The following ECM2 variants were observed in gnomAD, a reference collection of about 807,000 sequenced individuals.
ECM2 encodes extracellular matrix protein 2, female organ and adipocyte specific.
Under a neutral mutation model 67.5 loss-of-function variants are expected in ECM2, and 57 were observed. The ratio of observed to expected loss-of-function variants is 0.84; its 90% CI spans 0.68 to 1.05. The LOEUF is 1.05. Ranked by LOEUF, ECM2 falls within the 50% of genes least tolerant of loss-of-function variation. The pLI, the probability that ECM2 is intolerant of heterozygous loss-of-function variation, is 0.00. For missense variants in ECM2, 741 were observed against 822.8 expected, an observed-to-expected ratio of 0.90 and a Z score of 1.22; for synonymous variants, 258 against 294.5, an observed-to-expected ratio of 0.88 and a Z score of 1.27.
At position 92,508,076 on chromosome 9, in the gene ECM2, ATGACGGGAGAGCAGTGGGCCACC is replaced by A. The variant is rs1346993371; in HGVS notation, c.1306+1800_1306+1822del. 7.2e-5 allele frequency among the ~76,000 whole-genome samples: 11 copies of A among 152,166 alleles called. No individual in the cohort carries two copies. The East Asian group carries it at 2.1e-3, about 29-fold the overall frequency. Reference sequence around the variant, plus strand: ...TGAGTGAGGAGCCACCCCAAGAGAGATGACGGGAGAGCAGTGGGCCACCTGCTTCCACACAGAAGCAGGGTGCC... The same window carrying A: ...TGAGTGAGGAGCCACCCCAAGAGAGATGCTTCCACACAGAAGCAGGGTGCC... On this transcript the variant is annotated intron_variant, in intron 6 of 9. Coordinates refer to ENST00000344604, the MANE Select transcript of ECM2 (RefSeq NM_001393.4).
At chr9:92,531,553 G>A (rs1276617973) in intron 1 of ECM2, among the ~76,000 whole-genome samples, 1 of 151,898 alleles carries the variant, frequency 6.6e-6, no homozygotes, top group African/African-American at 2.4e-5. Flanking sequence ...TTTATGGGGA[G>A]ATGCCCTGTA....
intron 9 of ECM2, among the ~76,000 whole-genome samples, chr9:92,499,513 G>A (rs919538854): frequency 6.6e-6 from 1 of 152,190 alleles, no homozygotes; most frequent in Non-Finnish European, 1.5e-5. Context: ...GAGTAAATTT[G>A]TCTTAGGAGA....
At chr9:92,537,661 AAAAAG>A (rs151092338), upstream of ECM2, among the ~76,000 whole-genome samples, 6,288 of 152,250 alleles carry the variant, frequency 0.041, 183 homozygotes, top group Non-Finnish European at 0.06. Context: ...CTACATCTCA[AAAAAG>A]AAAAGAAAAG....
intron 1 of ECM2, among the ~76,000 whole-genome samples, chr9:92,525,844 G>T (rs972452147): frequency 7.3e-6 from 1 of 136,414 alleles, no homozygotes; most frequent in Non-Finnish European, 1.5e-5. Flanking sequence ...GAGTAGCTAG[G>T]ACTACAGGTA....
intron 2 of ECM2, among the ~76,000 whole-genome samples, chr9:92,521,310 G>C (rs1848055469): frequency 6.6e-6 from 1 of 151,922 alleles, no homozygotes; most frequent in Non-Finnish European, 1.5e-5. Context: ...TTATAGCTTA[G>C]CCATCTTTCC....
intron 2 of ECM2, among the ~76,000 whole-genome samples, chr9:92,518,125 G>A (rs1273471999): frequency 1.3e-5 from 2 of 152,136 alleles, no homozygotes; most frequent in African/African-American, 2.4e-5. Context: ...GCTGAACTGC[G>A]CTTCCATTTT....
the ECM2 span, among the ~76,000 whole-genome samples, chr9:92,542,856 T>G: frequency 6.6e-6 from 1 of 152,234 alleles, no homozygotes; most frequent in Non-Finnish European, 1.5e-5. Flanking sequence ...AGATCTTACA[T>G]TTAATTCATT....
intron 9 of ECM2, among the ~76,000 whole-genome samples, chr9:92,497,624 C>CA (rs1315903167): frequency 0.038 from 3,093 of 81,470 alleles, 69 homozygotes; most frequent in African/African-American, 0.098. Context: ...AACTCTGTCT[C>CA]AAAAAAAAAA....
At chr9:92,505,714 A>C (rs1846962807) in intron 6 of ECM2, 24 bp from the exon 7 acceptor site, 2 of 1,516,196 alleles carry the variant, frequency 1.3e-6, no homozygotes, top group Non-Finnish European at 1.8e-6. Flanking sequence ...AAGTATTAGA[A>C]TATTAGGATA....
At chr9:92,502,443 C>T (rs1846736893) in intron 8 of ECM2, 70 bp downstream of exon 8, 1 of 1,558,176 alleles carries the variant, frequency 6.4e-7, no homozygotes, top group Non-Finnish European at 8.8e-7. Flanking sequence ...TTCCCAGTTT[C>T]CATACTCTGT....
intron 9 of ECM2, among the ~76,000 whole-genome samples, chr9:92,498,440 T>G (rs1483716236): frequency 6.6e-6 from 1 of 151,834 alleles, no homozygotes; most frequent in Admixed American, 6.6e-5. Flanking sequence ...CCTAAAAGTA[T>G]AGTAAAAAGA....
chr9:92,551,640 C>T, the ECM2 span, among the ~76,000 whole-genome samples: 1 of 152,052 alleles, frequency 6.6e-6, no homozygotes, highest in African/African-American at 2.4e-5. Context: ...GTATACACTG[C>T]ACCCTATTTG....
chr9:92,515,827 G>A (rs1171172638), intron 3 of ECM2, among the ~76,000 whole-genome samples: 1 of 152,120 alleles, frequency 6.6e-6, no homozygotes, highest in Non-Finnish European at 1.5e-5. Context: ...TACTACCTGA[G>A]ACTTACAAAT....
upstream of ECM2, among the ~76,000 whole-genome samples, chr9:92,541,470 C>T (rs1849319660): frequency 7.1e-6 from 1 of 139,902 alleles, no homozygotes; most frequent in Non-Finnish European, 1.5e-5. Flanking sequence ...AAGCGATTCC[C>T]CTGCCTCAGC....
chr9:92,538,598 T>G (rs138514065), upstream of ECM2, among the ~76,000 whole-genome samples: 66 of 152,316 alleles, frequency 4.3e-4, no homozygotes, highest in African/African-American at 1.5e-3. Flanking sequence ...ATTTTATAAT[T>G]TCTGAGGTTC....
rs372699831 is a variant in ECM2 at position 92,514,638 on chromosome 9, C to T, written c.1047G>A (p.Glu349=). The T allele has an allele frequency of 1.9e-6, 3 of 1,578,822 alleles. No individual in the cohort carries two copies. The highest frequency in any genetic ancestry group is 2.6e-6 in the Non-Finnish European group (3 of 1,160,500). ...PLTAPQITSL[E]LTGNSIASIP... ...GAAGTCAACATCTCTTACCAGTGAG[C>T]TCCAGACTTGTTATCTGTGGTGCTG... Residue 349 remains glutamate (E), a synonymous_variant, in exon 4 of 10, where the codon GAG becomes GAA. Transcript: ENST00000344604.
chr9:92,517,049 A>T (rs1847770929), intron 3 of ECM2: 1 of 151,732 alleles, frequency 6.6e-6, no homozygotes, highest in African/African-American at 2.4e-5. Flanking sequence ...AGGGTCCTTC[A>T]TTCAGTCAGG....
At chr9:92,503,186 T>A (rs1415334514) in intron 7 of ECM2, among the ~76,000 whole-genome samples, 2 of 152,230 alleles carry the variant, frequency 1.3e-5, no homozygotes, top group Non-Finnish European at 1.5e-5. Flanking sequence ...TATAATATGT[T>A]GCAAGAAATG....
Position 92,495,474 on chromosome 9 carries a change from A to C in ECM2, c.*841T>G. 5 of 984,640 alleles carry C rather than the reference A, an allele frequency of 5.1e-6. No individual in the cohort carries two copies. The highest frequency in any genetic ancestry group is 6.0e-6 in the Non-Finnish European group (5 of 829,210). 61.0% of individuals were successfully genotyped at this position (984,640 alleles called of 1,614,324 possible). On this transcript the variant is annotated 3_prime_UTR_variant, in exon 10 of 10. Transcript: ENST00000344604. ...GGTGCAAAATTTTTCAAAAATTTAT[A>C]CATTAGATTTACCTTTACAAGGTTA...
Sources: allele counts gnomAD v4.1 joint callset (sites outside exome capture counted in the v4.1 genomes callset), GRCh38; gene constraint gnomAD v4.1.1; transcripts MANE v1.5; gene names NCBI Gene and HGNC (gene_info 2026-07-23, HGNC 2026-07-21).